Variants in LIPK observed in about 807,000 individuals in gnomAD.
The protein encoded by LIPK is lipase family member K.
In LIPK, 32 loss-of-function variants were observed where a neutral mutation model predicts 48.6. The observed-to-expected ratio is 0.66, with a 90% CI of 0.50 to 0.88. LIPK has a LOEUF of 0.88. LIPK is among the 40% of genes least tolerant of loss of function. The pLI, the probability that LIPK is intolerant of heterozygous loss-of-function variation, is 0.00. For missense variants in LIPK, 507 were observed against 478.5 expected, an observed-to-expected ratio of 1.06 and a Z score of -0.56; for synonymous variants, 164 against 157.4, an observed-to-expected ratio of 1.04 and a Z score of -0.32.
At chr10:88,706,749 T>G (rs1841942623) in intron 1 of LIPK, among the ~76,000 whole-genome samples, 1 of 152,186 alleles carries the variant, frequency 6.6e-6, no homozygotes, top group South Asian at 2.1e-4. Flanking sequence ...GCCTTGAGTA[T>G]GAATATTCTT....
intron 2 of LIPK, among the ~76,000 whole-genome samples, chr10:88,725,980 T>C (rs1842329918): frequency 6.6e-6 from 1 of 152,216 alleles, no homozygotes; most frequent in African/African-American, 2.4e-5. Flanking sequence ...TCATTTTTTA[T>C]TGCCCTGGCT....
At chr10:88,727,195 C>A (rs1226798286) in intron 3 of LIPK, among the ~76,000 whole-genome samples, 3 of 152,184 alleles carry the variant, frequency 2.0e-5, no homozygotes, top group African/African-American at 4.8e-5. Context: ...TACCTCTGTC[C>A]CGTTTTGAAA....
In LIPK at chr10:88,720,274, T is replaced by A. The variant is rs1359660347; in HGVS notation, c.-11-4259T>A. 2.0e-5 allele frequency among the ~76,000 whole-genome samples: 3 copies of A among 152,172 alleles called. No individual in the cohort carries two copies. The South Asian group carries it at 6.2e-4, about 31-fold the overall frequency. On this transcript the variant is annotated intron_variant, in intron 1 of 9. Coordinates refer to ENST00000404190, the MANE Select transcript of LIPK (RefSeq NM_001080518.2). ...TTAGCCTTTCCTTCATTATATAGAT[T>A]TTTTTGGTATAGTAAATAGAGAAAG...
chr10:88,735,708 C>T (rs2134753062), intron 6 of LIPK, among the ~76,000 whole-genome samples: 1 of 152,334 alleles, frequency 6.6e-6, no homozygotes, highest in South Asian at 2.1e-4. Flanking sequence ...AAAAGAGCTA[C>T]TAGAAGGAGC....
At chr10:88,712,753 A>C (rs303504) in intron 1 of LIPK, among the ~76,000 whole-genome samples, 1 of 152,068 alleles carries the variant, frequency 6.6e-6, no homozygotes, top group Non-Finnish European at 1.5e-5. Flanking sequence ...TTCAGAGAAC[A>C]GTCCTATTTA....
intron 4 of LIPK, 52 bp downstream of exon 4, chr10:88,731,233 T>G (rs989161774): frequency 7.5e-7 from 1 of 1,330,210 alleles, no homozygotes; most frequent in Non-Finnish European, 9.9e-7. Flanking sequence ...CATGCATATG[T>G]ATGAACACCT....
At chr10:88,723,507 A>G (rs1256152027) in intron 1 of LIPK, among the ~76,000 whole-genome samples, 2 of 152,194 alleles carry the variant, frequency 1.3e-5, no homozygotes, top group African/African-American at 2.4e-5. Flanking sequence ...AGCCCTCTTG[A>G]AAAATGTTCC....
Position 88,740,057 on chromosome 10 carries a change from A to G in LIPK, c.878A>G (p.His293Arg). 5 of 1,612,002 alleles carry G rather than the reference A, an allele frequency of 3.1e-6. No individual in the cohort carries two copies. The highest frequency in any genetic ancestry group is 1.1e-5 in the South Asian group (1 of 90,904). Reference sequence around the variant, plus strand: ...GGAACATCTGTTCAGAATATGCTGCACTGGGCTCAGGTAAGTGCTTCTTAT... The same window carrying G: ...GGAACATCTGTTCAGAATATGCTGCGCTGGGCTCAGGTAAGTGCTTCTTAT... ...PAGTSVQNML[H>R]WAQAVNSGQL... The change falls in exon 8 of 10, where the codon CAC (histidine) becomes CGC (arginine). Residue 293 changes from histidine to arginine, a missense_variant. Coordinates refer to ENST00000404190, the MANE Select transcript of LIPK (RefSeq NM_001080518.2).
intron 3 of LIPK, chr10:88,728,656 G>A: frequency 2.1e-6 from 1 of 484,956 alleles, no homozygotes. Flanking sequence ...CTGCTGGAGG[G>A]CGAGGAGAGC....
intron 9 of LIPK, among the ~76,000 whole-genome samples, 185 bp downstream of exon 9, chr10:88,743,506 T>A (rs1465354237): frequency 6.6e-6 from 1 of 152,174 alleles, no homozygotes; most frequent in Non-Finnish European, 1.5e-5. Flanking sequence ...ACAAGGACCT[T>A]GCAAGGTAAA....
intron 1 of LIPK, among the ~76,000 whole-genome samples, chr10:88,721,982 T>C (rs780418196): frequency 1.3e-5 from 2 of 152,042 alleles, no homozygotes; most frequent in Non-Finnish European, 2.9e-5. Context: ...AAATAGTGAG[T>C]CAATTTGGCA....
intron 1 of LIPK, among the ~76,000 whole-genome samples, chr10:88,710,136 T>C (rs756384009): frequency 1.1e-4 from 16 of 151,964 alleles, no homozygotes; most frequent in Non-Finnish European, 2.2e-4. Flanking sequence ...ATTAAATTAA[T>C]ATATTATAGT....
chr10:88,737,821 G>C, intron 7 of LIPK, 40 bp downstream of exon 7: 1 of 1,606,508 alleles, frequency 6.2e-7, no homozygotes, highest in Non-Finnish European at 8.5e-7. Context: ...CATTTGTTTT[G>C]TTGCACAGAA....
chr10:88,728,960 T>C, intron 3 of LIPK: 1 of 162,284 alleles, frequency 6.2e-6, no homozygotes, highest in Non-Finnish European at 1.3e-5. Flanking sequence ...CCTGTGGCTG[T>C]CCCACATCCT....
chr10:88,710,225 C>T (rs992526240), intron 1 of LIPK, among the ~76,000 whole-genome samples: 1 of 151,946 alleles, frequency 6.6e-6, no homozygotes, highest in African/African-American at 2.4e-5. Flanking sequence ...CAATCTTGTA[C>T]AAAAAGATCC....
intron 1 of LIPK, among the ~76,000 whole-genome samples, chr10:88,718,758 A>G (rs1206321691): frequency 6.6e-6 from 1 of 152,130 alleles, no homozygotes; most frequent in Non-Finnish European, 1.5e-5. Flanking sequence ...ATGGAAAAAT[A>G]ATGATTATAA....
intron 3 of LIPK, among the ~76,000 whole-genome samples, chr10:88,729,400 C>T (rs1842421123): frequency 6.6e-6 from 1 of 152,128 alleles, no homozygotes; most frequent in Non-Finnish European, 1.5e-5. Context: ...TAAAGAAAAA[C>T]TCTAGATTTC....
chr10:88,752,053 A>G (rs547895673), intron 9 of LIPK, among the ~76,000 whole-genome samples: 3 of 152,306 alleles, frequency 2.0e-5, no homozygotes, highest in Admixed American at 6.5e-5. Flanking sequence ...CCTTTTTAGC[A>G]TCATACTTCA....
intron 1 of LIPK, among the ~76,000 whole-genome samples, chr10:88,723,268 C>T (rs888047895): frequency 1.3e-5 from 2 of 151,954 alleles, no homozygotes; most frequent in Non-Finnish European, 2.9e-5. Flanking sequence ...ATAATAGGTG[C>T]TCAATACATA....
Sources: gnomAD v4.1 joint callset for allele counts (sites outside exome capture counted in the v4.1 genomes callset) on GRCh38, gnomAD v4.1.1 for gene constraint, MANE v1.5 for transcripts, NCBI Gene and HGNC (gene_info 2026-07-23, HGNC 2026-07-21) for gene names.